Variants in DLC1 observed in about 807,000 individuals in gnomAD.
The protein encoded by DLC1 is DLC1 Rho GTPase activating protein.
Under a neutral mutation model 140.3 loss-of-function variants are expected in DLC1, and 54 were observed. The ratio of observed to expected loss-of-function variants is 0.38; its 90% CI spans 0.31 to 0.48. DLC1 has a LOEUF of 0.48. DLC1 is among the 20% of genes least tolerant of loss of function. The pLI, the probability that DLC1 is intolerant of heterozygous loss-of-function variation, is 0.96. For missense variants in DLC1, 2,536 were observed against 1,907.0 expected (o/e 1.33, Z -6.14); for synonymous variants, 986 against 728.1 (o/e 1.35, Z -5.70).
chr8:13,466,428 G>A (rs62492256), intron 2 of DLC1, among the ~76,000 whole-genome samples: 123,319 of 152,118 alleles, frequency 0.81, 51,456 homozygotes, highest in Middle Eastern at 0.94. Flanking sequence ...CTCTCCTCCT[G>A]GCCAGAGCTC....
chr8:13,541,458 T>G (rs2117332164), intron 1 of DLC1, among the ~76,000 whole-genome samples: 1 of 152,328 alleles, frequency 6.6e-6, no homozygotes, highest in Admixed American at 6.5e-5. Flanking sequence ...ATACTGGAAA[T>G]ACTTTTAACT....
At chr8:13,123,501 G>C (rs1040567146) in intron 5 of DLC1, among the ~76,000 whole-genome samples, 4 of 134,190 alleles carry the variant, frequency 3.0e-5, no homozygotes, top group Non-Finnish European at 4.7e-5. Context: ...CCACCACAAT[G>C]AGCTAATTTT....
chr8:13,100,263 A>C lies in DLC1; in HGVS notation c.2074T>G (p.Leu692Val). 6.2e-7 allele frequency: 1 copy of C among 1,614,076 alleles called. No homozygotes were observed. The change falls in exon 9 of 18, where the codon TTG (leucine) becomes GTG (valine). Residue 692 changes from leucine to valine, a missense_variant. Transcript: ENST00000276297. ...TGCAAGATGGGCCCGCTGATGATCAACCCCAGCTTTGAGGGCGCTTTGTGC... is the reference window on the plus strand; with the variant it reads ...TGCAAGATGGGCCCGCTGATGATCACCCCCAGCTTTGAGGGCGCTTTGTGC... ...SKHKAPSKLG[L>V]IISGPILQEG...
rs901919919 is a variant in DLC1, at chr8:13,241,670, A to G, written c.1348+63599T>C. ...GTGCAGAAATGTTTTCAGGGCTTTC[A>G]ACAGGGACAAAGGATGCCGGTTGAG... is the stretch of plus-strand genomic sequence containing the variant. On this transcript the variant is annotated intron_variant, in intron 5 of 17. Coordinates refer to ENST00000276297, the MANE Select transcript of DLC1 (RefSeq NM_182643.3). Among the ~76,000 whole-genome samples the G allele has an allele frequency of 3.9e-5, 6 of 152,310 alleles. No individual in the cohort carries two copies. The South Asian group carries it at 1.0e-3, about 26-fold the overall frequency.
chr8:13,275,644 T>G (rs556497180), intron 5 of DLC1, among the ~76,000 whole-genome samples: 1 of 152,332 alleles, frequency 6.6e-6, no homozygotes, highest in African/African-American at 2.4e-5. Context: ...ATTTGGTGGC[T>G]GTCACATGAG....
At chr8:13,270,319 A>C (rs1004575209) in intron 5 of DLC1, among the ~76,000 whole-genome samples, 1 of 152,186 alleles carries the variant, frequency 6.6e-6, no homozygotes, top group Non-Finnish European at 1.5e-5. Context: ...CACTACTTTA[A>C]ATAAAGAAAG....
At chr8:13,219,648 T>C (rs1166616452) in intron 5 of DLC1, among the ~76,000 whole-genome samples, 1 of 151,904 alleles carries the variant, frequency 6.6e-6, no homozygotes, top group Non-Finnish European at 1.5e-5. Context: ...TTTGGAGATA[T>C]CTATATATCT....
chr8:13,552,224 C>T (rs981143078), intron 1 of DLC1, among the ~76,000 whole-genome samples: 1 of 136,780 alleles, frequency 7.3e-6, no homozygotes, highest in African/African-American at 2.7e-5. Flanking sequence ...CCTGTCTAGA[C>T]AGATATATAT....
chr8:13,552,111 G>GTGTATATATATA (rs1279225632), intron 1 of DLC1, among the ~76,000 whole-genome samples: 898 of 54,508 alleles, frequency 0.016, 27 homozygotes, highest in Non-Finnish European at 0.026. Context: ...GTCTAGAGGT[G>GTGTATATATATA]TATATATATA....
intron 5 of DLC1, among the ~76,000 whole-genome samples, chr8:13,206,457 T>A (rs1398344299): frequency 2.6e-5 from 4 of 152,100 alleles, no homozygotes; most frequent in African/African-American, 7.2e-5. Flanking sequence ...TGATGGAATA[T>A]GAACGATTAC....
intron 5 of DLC1, among the ~76,000 whole-genome samples, chr8:13,141,976 A>G (rs879618946): frequency 2.0e-5 from 3 of 152,178 alleles, no homozygotes; most frequent in Non-Finnish European, 2.9e-5. Context: ...GGAGGCACCT[A>G]CTGGGAAATG....
chr8:13,499,608 T>C lies in DLC1; in HGVS notation c.464A>G (p.Gln155Arg), dbSNP rs1186317364. The C allele has an allele frequency of 1.9e-6, 3 of 1,614,176 alleles. No homozygotes were observed. The South Asian group carries it at 3.3e-5, about 18-fold the overall frequency. Residue 155 changes from glutamine (Q) to arginine (R), a missense_variant, in exon 2 of 18, where the codon CAA becomes CGA. Gln to Arg is a conservative substitution (Grantham distance 43). Transcript: ENST00000276297. ...GGAGTTAGAAGAAACTTGGTTACTT[T>C]GTATGATGGGCAGTGCCTTTTCTAA... ...GSLEKALPII[Q>R]SNQVSSNSWG...
At chr8:13,522,284 C>T (rs529605851) in intron 1 of DLC1, among the ~76,000 whole-genome samples, 1 of 152,124 alleles carries the variant, frequency 6.6e-6, no homozygotes, top group Admixed American at 6.5e-5. Context: ...AATGGAACGA[C>T]TTTGGCCTCA....
At chr8:13,095,402 C>A in intron 10 of DLC1, 157 bp from the exon 11 acceptor site, 1 of 880,868 alleles carries the variant, frequency 1.1e-6, no homozygotes. Flanking sequence ...ATTCAGTTCC[C>A]CAGTGGTACT....
chr8:13,443,873 A>G (rs1484179544), intron 2 of DLC1, among the ~76,000 whole-genome samples: 1 of 152,128 alleles, frequency 6.6e-6, no homozygotes, highest in African/African-American at 2.4e-5. Context: ...AACAAACGTC[A>G]CATGTTTGGC....
intron 5 of DLC1, among the ~76,000 whole-genome samples, chr8:13,224,200 T>C (rs1367279567): frequency 6.6e-6 from 1 of 152,176 alleles, no homozygotes; most frequent in Non-Finnish European, 1.5e-5. Context: ...TGAAATTCTT[T>C]TGGGAAAAAA....
chr8:13,091,352 G>T lies in DLC1; in HGVS notation c.3821C>A (p.Ala1274Asp), dbSNP rs769211247. 1.2e-6 allele frequency: 2 copies of T among 1,614,076 alleles called. No individual in the cohort carries two copies. The highest frequency in any genetic ancestry group is 1.7e-5 in the Admixed American group (1 of 60,016). Residue 1274 changes from alanine to aspartate, a missense_variant, in exon 14 of 18, where the codon GCC (alanine) becomes GAC (aspartate). Ala to Asp is a moderately radical substitution (Grantham distance 126). Transcript: ENST00000276297. ...CTTCTTGCACTCGGCGATCATATGG[G>T]CCAGCCCTTGAGTGGCAGCTAGGTT... is the stretch of plus-strand genomic sequence containing the variant. ...NENLAATQGL[A>D]HMIAECKKLF...
intron 5 of DLC1, among the ~76,000 whole-genome samples, chr8:13,288,808 A>G (rs1454669069): frequency 6.6e-6 from 1 of 152,204 alleles, no homozygotes; most frequent in African/African-American, 2.4e-5. Flanking sequence ...TGGGTAGGGA[A>G]GAGACTTGTG....
At chr8:13,205,502 C>T (rs1350175671) in intron 5 of DLC1, among the ~76,000 whole-genome samples, 2 of 152,036 alleles carry the variant, frequency 1.3e-5, no homozygotes, top group African/African-American at 2.4e-5. Context: ...TCATCATTTA[C>T]ATAAGGGCGG....
Sources: allele counts gnomAD v4.1 joint callset (sites outside exome capture counted in the v4.1 genomes callset), GRCh38; gene constraint gnomAD v4.1.1; transcripts MANE v1.5; gene names NCBI Gene and HGNC (gene_info 2026-07-23, HGNC 2026-07-21).